Variants in GRIA4 observed in about 807,000 individuals in gnomAD.
GRIA4 encodes the protein glutamate ionotropic receptor AMPA type subunit 4.
A neutral mutation model predicts 104.0 loss-of-function variants in GRIA4; 34 were observed. The observed-to-expected ratio is 0.33, with a 90% CI of 0.25 to 0.44. GRIA4 has a LOEUF of 0.44. Among genes scored for constraint, GRIA4 ranks in the 20% least tolerant of loss-of-function variants. GRIA4 has a pLI of 1.00. For synonymous variants in GRIA4, 386 were observed against 381.9 expected (o/e 1.01, Z -0.13); for missense variants, 750 against 1,096.5 (o/e 0.68, Z 4.46).
chr11:105,912,045 A>G (rs1388462924), intron 10 of GRIA4: 1 of 1,150,768 alleles, frequency 8.7e-7, no homozygotes, highest in East Asian at 4.2e-5. Flanking sequence ...ACCAGAAAAA[A>G]AAAATTTTAA....
chr11:105,933,412 T>A (rs1947940639), intron 13 of GRIA4, among the ~76,000 whole-genome samples: 1 of 152,110 alleles, frequency 6.6e-6, no homozygotes. Context: ...TTCATGGCAG[T>A]CTACATAGAA....
At chr11:105,867,703 C>A (rs1358583741) in intron 5 of GRIA4, among the ~76,000 whole-genome samples, 1 of 151,944 alleles carries the variant, frequency 6.6e-6, no homozygotes, top group Non-Finnish European at 1.5e-5. Flanking sequence ...CAAAACAAAA[C>A]CCTCAAAAAC....
intron 3 of GRIA4, among the ~76,000 whole-genome samples, chr11:105,641,246 T>C (rs772480853): frequency 6.6e-5 from 10 of 152,152 alleles, no homozygotes; most frequent in Non-Finnish European, 1.5e-4. Context: ...TTATCAACTA[T>C]ATTAATTTTA....
At chr11:105,934,167 A>G (rs1947963160) in intron 14 of GRIA4, among the ~76,000 whole-genome samples, 198 bp downstream of exon 14, 2 of 152,190 alleles carry the variant, frequency 1.3e-5, no homozygotes, top group Middle Eastern at 3.4e-3. Context: ...TTGTTGACAT[A>G]TATCTTTGAA....
intron 11 of GRIA4, 90 bp from the exon 12 acceptor site, chr11:105,924,309 G>A: frequency 1.1e-6 from 1 of 908,402 alleles, no homozygotes; most frequent in Non-Finnish European, 1.7e-6. Flanking sequence ...ATAAACGCAT[G>A]ACTGGTTAGC....
At chr11:105,711,166 C>T (rs1953894408) in intron 3 of GRIA4, among the ~76,000 whole-genome samples, 1 of 151,614 alleles carries the variant, frequency 6.6e-6, no homozygotes, top group Non-Finnish European at 1.5e-5. Flanking sequence ...CTGGATCAAA[C>T]CTAGTTGGGT....
At chr11:105,884,945 A>G (rs1268797571) in intron 5 of GRIA4, among the ~76,000 whole-genome samples, 1 of 152,074 alleles carries the variant, frequency 6.6e-6, no homozygotes, top group African/African-American at 2.4e-5. Flanking sequence ...AGAAATCACA[A>G]GCTGAGAGTG....
chr11:105,639,500 A>T (rs1951298595), intron 3 of GRIA4, among the ~76,000 whole-genome samples: 1 of 151,978 alleles, frequency 6.6e-6, no homozygotes, highest in Non-Finnish European at 1.5e-5. Flanking sequence ...TAGAAATAAT[A>T]TTAAATGAAA....
chr11:105,634,991 T>C (rs1367971762), intron 3 of GRIA4, among the ~76,000 whole-genome samples: 1 of 152,220 alleles, frequency 6.6e-6, no homozygotes, highest in African/African-American at 2.4e-5. Flanking sequence ...GTAACTATGA[T>C]GATAACATTT....
At chr11:105,913,028 G>A (rs965642232) in intron 10 of GRIA4, 3 of 928,212 alleles carry the variant, frequency 3.2e-6, no homozygotes, top group African/African-American at 1.8e-5. Flanking sequence ...CCAGTTGTCT[G>A]TCCTTTGTGT....
chr11:105,876,545 G>T (rs890818976), intron 5 of GRIA4, among the ~76,000 whole-genome samples: 4 of 152,150 alleles, frequency 2.6e-5, no homozygotes, highest in African/African-American at 9.7e-5. Flanking sequence ...TTGTGTGGGA[G>T]TCGAGGTTTC....
chr11:105,722,373 C>T (rs1393875281), intron 3 of GRIA4, among the ~76,000 whole-genome samples: 1 of 152,110 alleles, frequency 6.6e-6, no homozygotes, highest in African/African-American at 2.4e-5. Flanking sequence ...TTCAGTCTTA[C>T]AATGGGGTTA....
chr11:105,927,993 G>A (rs1947764105), intron 13 of GRIA4, among the ~76,000 whole-genome samples: 1 of 151,860 alleles, frequency 6.6e-6, no homozygotes, highest in South Asian at 2.1e-4. Context: ...CCTACATACA[G>A]CACTTGAGAG....
At chr11:105,651,006 G>T (rs1951671142) in intron 3 of GRIA4, among the ~76,000 whole-genome samples, 1 of 152,074 alleles carries the variant, frequency 6.6e-6, no homozygotes, top group Non-Finnish European at 1.5e-5. Flanking sequence ...TGAAATACGT[G>T]ATTTATAGCA....
At chr11:105,885,884 G>A (rs1172104305) in intron 5 of GRIA4, among the ~76,000 whole-genome samples, 1 of 152,206 alleles carries the variant, frequency 6.6e-6, no homozygotes, top group African/African-American at 2.4e-5. Context: ...GTATCTATTA[G>A]AAGCAAACAG....
chr11:105,834,133 T>C lies in GRIA4; in HGVS notation c.488-27891T>C, dbSNP rs943735868. ...AAGAATAAGTTGTAATTAGATAAAA[T>C]GAGAGAATTGACAGAGGAGCTGACA... On this transcript the variant is annotated intron_variant, in intron 4 of 16. Coordinates refer to ENST00000282499, the MANE Select transcript of GRIA4 (RefSeq NM_000829.4). 2.8e-4 allele frequency among the ~76,000 whole-genome samples: 43 copies of C among 151,980 alleles called. 1 individual carries two copies. Among genetic ancestry groups the C allele is most frequent in the Non-Finnish European group, 5.9e-5 (4 of 67,948 alleles).
At chr11:105,772,837 G>T (rs951674305) in intron 4 of GRIA4, among the ~76,000 whole-genome samples, 1 of 152,028 alleles carries the variant, frequency 6.6e-6, no homozygotes, top group Non-Finnish European at 1.5e-5. Flanking sequence ...TTATGAAAAT[G>T]TGTGGGATGT....
intron 3 of GRIA4, among the ~76,000 whole-genome samples, chr11:105,746,813 C>G (rs949279542): frequency 2.6e-5 from 4 of 151,990 alleles, no homozygotes; most frequent in Non-Finnish European, 4.4e-5. Context: ...ACAACAGGAG[C>G]AGGTACTGTA....
intron 3 of GRIA4, among the ~76,000 whole-genome samples, chr11:105,723,789 T>C (rs1937998904): frequency 6.6e-6 from 1 of 152,100 alleles, no homozygotes; most frequent in African/African-American, 2.4e-5. Context: ...AGTTTGGTCC[T>C]AAGGCTCAAT....
Sources: allele counts gnomAD v4.1 joint callset (sites outside exome capture counted in the v4.1 genomes callset), GRCh38; gene constraint gnomAD v4.1.1; transcripts MANE v1.5; gene names NCBI Gene and HGNC (gene_info 2026-07-23, HGNC 2026-07-21).